Variants in RIMBP2 observed in about 807,000 individuals in gnomAD.
RIMBP2 encodes RIMS-binding protein 2.
In RIMBP2, 48 loss-of-function variants were observed where a neutral mutation model predicts 118.6. The ratio of observed to expected loss-of-function variants is 0.40; its 90% confidence interval spans 0.32 to 0.51. RIMBP2 has a LOEUF of 0.51. Ranked by LOEUF, RIMBP2 falls within the 20% of genes least tolerant of loss-of-function variation. RIMBP2 has a pLI of 0.41. For missense variants in RIMBP2, 1,551 were observed against 1,768.3 expected (o/e 0.88, Z 2.20); for synonymous variants, 762 against 742.9 (o/e 1.03, Z -0.42).
At chr12:130,535,762 T>C (rs1419250908) in intron 2 of RIMBP2, among the ~76,000 whole-genome samples, 15 of 90,834 alleles carry the variant, frequency 1.7e-4, no homozygotes, top group African/African-American at 4.5e-4. Context: ...TATATATATA[T>C]ATATATATAT....
At chr12:130,451,103 T>G in intron 8 of RIMBP2, 92 bp downstream of exon 8, 1 of 1,370,334 alleles carries the variant, frequency 7.3e-7, no homozygotes, top group Non-Finnish European at 1.0e-6. Flanking sequence ...GGGAGGAAGA[T>G]GGGGAAGAAA....
At chr12:130,467,084 T>C (rs1026673858) in intron 6 of RIMBP2, among the ~76,000 whole-genome samples, 5 of 152,242 alleles carry the variant, frequency 3.3e-5, no homozygotes, top group Non-Finnish European at 7.3e-5. Context: ...AAGCTGTCCT[T>C]GTTCATTCCT....
chr12:130,592,761 G>A (rs1323946935), intron 2 of RIMBP2, among the ~76,000 whole-genome samples: 1 of 152,102 alleles, frequency 6.6e-6, no homozygotes, highest in African/African-American at 2.4e-5. Context: ...GCCGTGGCGG[G>A]CCAATCAGCC....
chr12:130,478,052 TCCTA>T (rs1373046150), intron 5 of RIMBP2, among the ~76,000 whole-genome samples: 1 of 152,128 alleles, frequency 6.6e-6, no homozygotes, highest in African/African-American at 2.4e-5. Flanking sequence ...AGCACCACCC[TCCTA>T]CCTATCTGGA....
chr12:130,528,065 T>C (rs11060970), intron 2 of RIMBP2, among the ~76,000 whole-genome samples: 9,271 of 152,222 alleles, frequency 0.061, 394 homozygotes, highest in Middle Eastern at 0.16. Context: ...GAACCAGAAA[T>C]ATCATTTGAC....
At chr12:130,449,374 A>T (rs1234187504) in intron 9 of RIMBP2, among the ~76,000 whole-genome samples, 1 of 152,220 alleles carries the variant, frequency 6.6e-6, no homozygotes, top group African/African-American at 2.4e-5. Context: ...CCCGTGGAGG[A>T]CCTGAGAGGT....
At chr12:130,649,842 G>A (rs1312993916) in intron 1 of RIMBP2, among the ~76,000 whole-genome samples, 2 of 151,992 alleles carry the variant, frequency 1.3e-5, no homozygotes, top group Non-Finnish European at 2.9e-5. Flanking sequence ...GGTGCTGGGA[G>A]TACTCTACTC....
chr12:130,714,399 G>A (rs1044926730), intron 1 of RIMBP2, among the ~76,000 whole-genome samples: 2 of 152,212 alleles, frequency 1.3e-5, no homozygotes, highest in African/African-American at 4.8e-5. Flanking sequence ...GCAGGCTTGG[G>A]GTTCTCTGCC....
chr12:130,503,896 A>G (rs1338940613), intron 4 of RIMBP2, among the ~76,000 whole-genome samples: 1 of 152,168 alleles, frequency 6.6e-6, no homozygotes, highest in Non-Finnish European at 1.5e-5. Context: ...ATTATATTTA[A>G]TGATTTTGGT....
At chr12:130,550,680 G>A (rs924940864) in intron 2 of RIMBP2, among the ~76,000 whole-genome samples, 1 of 152,258 alleles carries the variant, frequency 6.6e-6, no homozygotes, top group Non-Finnish European at 1.5e-5. Context: ...TAGACATGAT[G>A]TGGATGGCCC....
intron 3 of RIMBP2, among the ~76,000 whole-genome samples, chr12:130,514,520 C>A (rs180765163): frequency 6.6e-6 from 1 of 152,148 alleles, no homozygotes; most frequent in East Asian, 1.9e-4. Context: ...CCCATCCCCC[C>A]ACAGCTGGCA....
intron 21 of RIMBP2, among the ~76,000 whole-genome samples, chr12:130,404,799 C>G (rs2075007784): frequency 6.6e-6 from 1 of 152,064 alleles, no homozygotes; most frequent in Admixed American, 6.6e-5. Context: ...GGACTCTTTA[C>G]AAAATGTTCC....
chr12:130,424,653 T>C lies in RIMBP2; in HGVS notation c.2618A>G (p.Tyr873Cys), dbSNP rs1046126346. The C allele has an allele frequency of 7.3e-6, 9 of 1,231,610 alleles. No homozygotes were observed. Among genetic ancestry groups the C allele is most frequent in the Non-Finnish European group, 8.1e-6 (8 of 987,838 alleles). The allele number at this position is 1,231,610 out of a possible 1,614,324, so 76.3% of individuals were successfully genotyped here. A position where few individuals can be genotyped will look rare whatever the true frequency, so the allele number is the denominator to read the frequency against. Residue 873 changes from tyrosine to cysteine, a missense_variant, in exon 16 of 23, where the codon TAC (tyrosine) becomes TGC (cysteine). Physicochemically the swap from Tyr to Cys is radical, Grantham distance 194 (BLOSUM62 -2). This residue lies in a region of RIMBP2 where 1,038 missense variants were observed against 1,125.1 expected (regional missense o/e 0.92). Coordinates refer to ENST00000690449, the MANE Select transcript of RIMBP2 (RefSeq NM_001393629.1). This position sits in a 1 kb window ranked among gnomAD's most constrained non-coding sequence, Gnocchi z 9.8. ...LAREPRPGRPYRGDEAPRGSW... is the reference protein window; with the variant it reads ...LAREPRPGRPCRGDEAPRGSW... ...GCCCCGAGGGGCCTCGTCGCCCCTG[T>C]AGGGCCTGCCGGGCCTGGGCTCTCT...
chr12:130,524,796 G>A (rs2052588972), intron 2 of RIMBP2, among the ~76,000 whole-genome samples: 1 of 152,196 alleles, frequency 6.6e-6, no homozygotes, highest in Non-Finnish European at 1.5e-5. Context: ...GAAAGAGGAA[G>A]GCGGGTACAG....
chr12:130,709,418 C>T (rs374341139), intron 1 of RIMBP2, among the ~76,000 whole-genome samples: 7 of 152,232 alleles, frequency 4.6e-5, no homozygotes, highest in African/African-American at 9.6e-5. Context: ...CTGGGCGTGA[C>T]GCCCGACAGC....
intron 1 of RIMBP2, among the ~76,000 whole-genome samples, chr12:130,699,997 T>C (rs2065780556): frequency 6.6e-6 from 1 of 151,750 alleles, no homozygotes; most frequent in African/African-American, 2.4e-5. Context: ...AACCATTTTT[T>C]CCCTAATTCT....
In RIMBP2 at chr12:130,654,731, G is replaced by A. The variant is rs144890645; in HGVS notation, c.-351-26275C>T. Among the ~76,000 whole-genome samples the A allele has an allele frequency of 7.7e-3, 1,168 of 152,346 alleles. 12 individuals carry two copies. The highest frequency in any genetic ancestry group is 0.059 in the South Asian group (284 of 4,824). ...GGCTGGGTAATTTATAAGGAAAACA[G>A]ACTTGATTGGCTCATGGTTCTGCAG... On this transcript the variant is annotated intron_variant, in intron 1 of 22. Transcript: ENST00000690449.
chr12:130,679,306 A>G (rs929052644), intron 1 of RIMBP2, among the ~76,000 whole-genome samples: 1 of 152,236 alleles, frequency 6.6e-6, no homozygotes, highest in African/African-American at 2.4e-5. Context: ...AGAGCCTGGC[A>G]TAACCAAAAG....
chr12:130,715,761 C>CCG (rs1555328056), intron 1 of RIMBP2, among the ~76,000 whole-genome samples: 13 of 151,400 alleles, frequency 8.6e-5, no homozygotes, highest in Middle Eastern at 3.2e-3. Flanking sequence ...CCCTTCCCCC[C>CCG]CTCCACCCCG....
Sources: allele counts gnomAD v4.1 joint callset (sites outside exome capture counted in the v4.1 genomes callset), GRCh38; gene constraint gnomAD v4.1.1; regional missense constraint gnomAD v4.1.1; non-coding constraint Gnocchi (gnomAD v3.1); transcripts MANE v1.5; gene names NCBI Gene and HGNC (gene_info 2026-07-23, HGNC 2026-07-21).